The following SLC25A21 variants were observed in gnomAD, a reference collection of about 807,000 sequenced individuals.
SLC25A21 encodes the protein mitochondrial 2-oxodicarboxylate carrier.
Under a neutral mutation model 43.8 loss-of-function variants are expected in SLC25A21, and 47 were observed. The observed-to-expected ratio is 1.07, with a 90% confidence interval of 0.85 to 1.37. SLC25A21 has a LOEUF of 1.37. Ranked by LOEUF, SLC25A21 falls within the 40% of genes most tolerant of loss-of-function variation. SLC25A21 has a pLI of 0.00. For synonymous variants in SLC25A21, 131 were observed against 121.3 expected (o/e 1.08, Z -0.52); for missense variants, 352 against 350.2 (o/e 1.00, Z -0.04).
At chr14:36,841,757 C>A (rs1478177809) in intron 2 of SLC25A21, among the ~76,000 whole-genome samples, 1 of 152,130 alleles carries the variant, frequency 6.6e-6, no homozygotes, top group African/African-American at 2.4e-5. Flanking sequence ...GTGCCGTGGG[C>A]TCAACAACCT....
intron 1 of SLC25A21, among the ~76,000 whole-genome samples, chr14:37,076,642 G>C (rs112697569): frequency 0.21 from 32,219 of 151,712 alleles, 7,881 homozygotes; most frequent in African/African-American, 0.59. Flanking sequence ...GCGCCTGACA[G>C]CATGCCCGGC....
intron 2 of SLC25A21, 91 bp downstream of exon 2, chr14:36,874,865 G>T: frequency 3.0e-6 from 3 of 999,720 alleles, no homozygotes; most frequent in Non-Finnish European, 4.5e-6. Context: ...GAAGCTACCG[G>T]CCTGGGACAA....
chr14:36,993,932 C>A (rs993835840), intron 1 of SLC25A21, among the ~76,000 whole-genome samples: 6 of 152,090 alleles, frequency 3.9e-5, no homozygotes, highest in African/African-American at 1.4e-4. Context: ...GGAAAACATT[C>A]CCTTTACTGG....
chr14:37,011,101 T>C (rs564593541), intron 1 of SLC25A21, among the ~76,000 whole-genome samples: 1 of 152,034 alleles, frequency 6.6e-6, no homozygotes, highest in Non-Finnish European at 1.5e-5. Context: ...TGGCCAGGCT[T>C]GTCTCAAACT....
chr14:36,823,772 C>T (rs1888720096), intron 2 of SLC25A21, among the ~76,000 whole-genome samples: 1 of 152,190 alleles, frequency 6.6e-6, no homozygotes, highest in African/African-American at 2.4e-5. Context: ...GTTACCTGTG[C>T]ATCTTCTCTC....
intron 1 of SLC25A21, among the ~76,000 whole-genome samples, chr14:37,115,325 G>C (rs1048314755): frequency 6.6e-6 from 1 of 152,126 alleles, no homozygotes; most frequent in Non-Finnish European, 1.5e-5. Context: ...CAGTTCTCCT[G>C]CTCTGCATCA....
chr14:37,110,419 A>T (rs1962997084), intron 1 of SLC25A21, among the ~76,000 whole-genome samples: 1 of 152,220 alleles, frequency 6.6e-6, no homozygotes, highest in Admixed American at 6.5e-5. Flanking sequence ...AAGTACATCC[A>T]CTTGAAATAT....
intron 2 of SLC25A21, among the ~76,000 whole-genome samples, chr14:36,821,839 A>C (rs901173483): frequency 6.6e-6 from 1 of 152,108 alleles, no homozygotes; most frequent in Non-Finnish European, 1.5e-5. Context: ...AAACAAAACA[A>C]AACACCAAAC....
intron 3 of SLC25A21, among the ~76,000 whole-genome samples, chr14:36,750,580 G>T (rs1044368353): frequency 3.3e-5 from 5 of 152,126 alleles, no homozygotes; most frequent in Non-Finnish European, 5.9e-5. Flanking sequence ...CTTTTGAGAT[G>T]TTTATTTCCC....
At chr14:36,936,143 AG>A (rs1404725336) in intron 1 of SLC25A21, among the ~76,000 whole-genome samples, 1 of 152,178 alleles carries the variant, frequency 6.6e-6, no homozygotes. Flanking sequence ...GTCAAGCTAA[AG>A]AAACTTGCAT....
intron 1 of SLC25A21, among the ~76,000 whole-genome samples, chr14:37,124,444 C>A (rs1963262994): frequency 6.6e-6 from 1 of 151,936 alleles, no homozygotes; most frequent in African/African-American, 2.4e-5. Context: ...GAGATGCATA[C>A]TTAGGGTTAC....
chr14:36,770,389 G>A (rs949732885), intron 3 of SLC25A21, among the ~76,000 whole-genome samples: 6 of 152,232 alleles, frequency 3.9e-5, no homozygotes, highest in African/African-American at 1.2e-4. Flanking sequence ...GAAGGAGGGA[G>A]AGACAAGGGC....
At chr14:36,895,994 T>C (rs1295337979) in intron 1 of SLC25A21, among the ~76,000 whole-genome samples, 5 of 152,174 alleles carry the variant, frequency 3.3e-5, no homozygotes, top group African/African-American at 1.2e-4. Flanking sequence ...TGTGGTGTGG[T>C]GCTGAAAAGA....
At chr14:36,808,709 T>C (rs1393646233) in intron 3 of SLC25A21, among the ~76,000 whole-genome samples, 1 of 152,166 alleles carries the variant, frequency 6.6e-6, no homozygotes, top group African/African-American at 2.4e-5. Flanking sequence ...ATGAGGATTC[T>C]ATGTTGTGTT....
chr14:37,113,853 C>CAA (rs34321762), intron 1 of SLC25A21, among the ~76,000 whole-genome samples: 90,552 of 119,138 alleles, frequency 0.76, 36,727 homozygotes, highest in Non-Finnish European at 0.9. Context: ...GACTCTGTCT[C>CAA]AAAAAAAAAA....
intron 1 of SLC25A21, among the ~76,000 whole-genome samples, chr14:36,995,644 T>C (rs1194339329): frequency 6.6e-6 from 1 of 152,308 alleles, no homozygotes; most frequent in East Asian, 1.9e-4. Context: ...AAAATGTAAG[T>C]CACACACTTT....
At chr14:36,839,519 C>T (rs182705510) in intron 2 of SLC25A21, among the ~76,000 whole-genome samples, 1 of 152,318 alleles carries the variant, frequency 6.6e-6, no homozygotes, top group African/African-American at 2.4e-5. Context: ...CACTCTTGCT[C>T]TAAAAAATTA....
intron 7 of SLC25A21, among the ~76,000 whole-genome samples, chr14:36,691,513 A>C (rs1162344344): frequency 6.6e-6 from 1 of 152,212 alleles, no homozygotes; most frequent in Non-Finnish European, 1.5e-5. Context: ...CAATAAGCCT[A>C]AACCATTTTA....
intron 2 of SLC25A21, among the ~76,000 whole-genome samples, chr14:36,867,828 CATTT>C (rs1890256348): frequency 1.3e-5 from 2 of 150,026 alleles, no homozygotes; most frequent in Non-Finnish European, 3.0e-5. Flanking sequence ...TGTGTACACT[CATTT>C]ATTTTTCATA....
Sources: allele counts gnomAD v4.1 joint callset (sites outside exome capture counted in the v4.1 genomes callset), GRCh38; gene constraint gnomAD v4.1.1; transcripts MANE v1.5; gene names NCBI Gene and HGNC (gene_info 2026-07-23, HGNC 2026-07-21).